The following CES5A variants were observed in gnomAD, a reference collection of about 807,000 sequenced individuals.
CES5A encodes carboxylesterase 5A.
CES5A carries 67 observed loss-of-function variants against 62.9 expected under a neutral mutation model. The observed-to-expected ratio is 1.07, with a 90% confidence interval of 0.88 to 1.31. The LOEUF (loss-of-function observed/expected upper bound fraction) is 1.31. Ranked by LOEUF, CES5A falls within the 50% of genes most tolerant of loss-of-function variation. CES5A has a pLI of 0.00. For missense variants in CES5A, 748 were observed against 708.5 expected (o/e 1.06, Z -0.63); for synonymous variants, 296 against 280.8 (o/e 1.05, Z -0.54).
intron 2 of CES5A, among the ~76,000 whole-genome samples, chr16:55,936,083 C>T (rs1187498790): frequency 3.3e-5 from 5 of 152,066 alleles, no homozygotes; most frequent in South Asian, 2.1e-4. Context: ...GACTTCAGTT[C>T]GGCATTCTCT....
At chr16:55,944,734 C>G (rs978973029) in intron 2 of CES5A, among the ~76,000 whole-genome samples, 1 of 152,232 alleles carries the variant, frequency 6.6e-6, no homozygotes, top group African/African-American at 2.4e-5. Flanking sequence ...CCCATCTTCC[C>G]TGGGTACAGC....
At chr16:55,879,545 C>T (rs1019390600), upstream of CES5A, among the ~76,000 whole-genome samples, 1 of 151,902 alleles carries the variant, frequency 6.6e-6, no homozygotes, top group African/African-American at 2.4e-5. Context: ...CATCACTGCA[C>T]CCCCATCACT....
At position 55,875,252 on chromosome 16, in the gene CES5A, G is replaced by C; in HGVS notation, c.-31C>G. 6.2e-7 allele frequency: 1 copy of C among 1,604,586 alleles called. No homozygotes were observed. Among genetic ancestry groups the C allele is most frequent in the Non-Finnish European group, 8.5e-7 (1 of 1,175,396 alleles). On this transcript the variant is annotated 5_prime_UTR_variant, in exon 1 of 13. Coordinates refer to ENST00000290567, the MANE Select transcript of CES5A (RefSeq NM_001143685.2). ...TGCCTGCCTGCACTCTGTGAACATT[G>C]ACGGCGGCTGCTGGCCTCAGAGAGC...
chr16:55,897,659 G>A (rs1231212879), intron 1 of CES5A, among the ~76,000 whole-genome samples: 2 of 152,178 alleles, frequency 1.3e-5, no homozygotes, highest in Non-Finnish European at 2.9e-5. Context: ...GGGAAACTAA[G>A]ATCCCACATG....
chr16:55,847,128 C>T (rs1233647839), intron 11 of CES5A, among the ~76,000 whole-genome samples: 1 of 152,154 alleles, frequency 6.6e-6, no homozygotes, highest in African/African-American at 2.4e-5. Flanking sequence ...GGGACACAGA[C>T]CAGCTTGCTC....
intron 2 of CES5A, among the ~76,000 whole-genome samples, chr16:55,930,792 C>T (rs1309254847): frequency 2.0e-5 from 3 of 152,268 alleles, no homozygotes; most frequent in Admixed American, 1.3e-4. Context: ...GAGATTGGGC[C>T]TGTATGTTTT....
chr16:55,865,202 A>C (rs1490426591), intron 5 of CES5A, among the ~76,000 whole-genome samples: 3 of 152,186 alleles, frequency 2.0e-5, no homozygotes, highest in Non-Finnish European at 2.9e-5. Flanking sequence ...GCGAAACTCC[A>C]TCTCAAAACA....
chr16:55,918,627 T>TG (rs1364351520), intron 1 of CES5A, among the ~76,000 whole-genome samples: 1 of 152,186 alleles, frequency 6.6e-6, no homozygotes, highest in Non-Finnish European at 1.5e-5. Flanking sequence ...CTATTTTCAA[T>TG]GGGGAAAAGA....
intron 2 of CES5A, 100 bp from the exon 3 acceptor site, chr16:55,871,863 C>G: frequency 7.8e-7 from 1 of 1,286,590 alleles, no homozygotes; most frequent in South Asian, 1.4e-5. Flanking sequence ...GCCGTCTCCT[C>G]TGCCTGAGCA....
At chr16:55,910,428 C>T (rs2034081825) in intron 1 of CES5A, among the ~76,000 whole-genome samples, 1 of 152,184 alleles carries the variant, frequency 6.6e-6, no homozygotes, top group Admixed American at 6.5e-5. Context: ...TTATGCTGGT[C>T]CACACTCATC....
At chr16:55,931,175 T>A (rs2034307755) in intron 2 of CES5A, among the ~76,000 whole-genome samples, 1 of 152,224 alleles carries the variant, frequency 6.6e-6, no homozygotes, top group African/African-American at 2.4e-5. Context: ...TCTTTCTTCA[T>A]CCCAGGAATT....
At chr16:55,899,522 T>G (rs2142440468) in intron 1 of CES5A, among the ~76,000 whole-genome samples, 1 of 152,316 alleles carries the variant, frequency 6.6e-6, no homozygotes, top group East Asian at 1.9e-4. Flanking sequence ...GTTTTCAAAC[T>G]GTCTCCTGCA....
intron 1 of CES5A, among the ~76,000 whole-genome samples, chr16:55,912,220 C>G (rs1424304380): frequency 1.3e-5 from 2 of 152,216 alleles, no homozygotes; most frequent in African/African-American, 4.8e-5. Context: ...TCGTCAGTGT[C>G]AGTTGCCTAG....
intron 1 of CES5A, among the ~76,000 whole-genome samples, chr16:55,908,836 T>C (rs1332439148): frequency 4.6e-5 from 7 of 152,218 alleles, no homozygotes; most frequent in Non-Finnish European, 1.0e-4. Flanking sequence ...CGTGGAGGCC[T>C]CTCTACTTTT....
intron 1 of CES5A, among the ~76,000 whole-genome samples, chr16:55,892,030 G>C (rs1354389179): frequency 6.6e-6 from 1 of 152,138 alleles, no homozygotes; most frequent in African/African-American, 2.4e-5. Flanking sequence ...ATCCTGAAGA[G>C]ATTAACTGAA....
Position 55,875,356 on chromosome 16 carries a change from G to C in CES5A, c.-135C>G. 1 of 1,467,910 alleles carries C rather than the reference G, an allele frequency of 6.8e-7. No homozygotes were observed. The highest frequency in any genetic ancestry group is 9.0e-7 in the Non-Finnish European group (1 of 1,113,666). The allele number at this position is 1,467,910 out of a possible 1,614,324, so 90.9% of individuals were successfully genotyped here. ...AGGCAGAGGCAGCAGAGTTACTGAA[G>C]ATCAGCATCAGAACAATATTCTCAA... is the stretch of plus-strand genomic sequence containing the variant. On this transcript the variant is annotated 5_prime_UTR_variant, in exon 1 of 13. The change creates a new upstream start codon in the 5' untranslated region. Coordinates refer to ENST00000290567, the MANE Select transcript of CES5A (RefSeq NM_001143685.2).
At chr16:55,847,787 G>C (rs191985762) in intron 11 of CES5A, among the ~76,000 whole-genome samples, 1 of 152,014 alleles carries the variant, frequency 6.6e-6, no homozygotes, top group African/African-American at 2.4e-5. Context: ...TCATATTTCC[G>C]ATCTTTTGCT....
At chr16:55,886,249 G>A (rs961054837) in intron 1 of CES5A, among the ~76,000 whole-genome samples, 1 of 152,168 alleles carries the variant, frequency 6.6e-6, no homozygotes, top group African/African-American at 2.4e-5. Flanking sequence ...AGTGAGCTGA[G>A]GTAAAGACAT....
At chr16:55,862,877 G>A (rs2033381251) in intron 6 of CES5A, among the ~76,000 whole-genome samples, 1 of 152,142 alleles carries the variant, frequency 6.6e-6, no homozygotes, top group African/African-American at 2.4e-5. Context: ...AGATAATTAA[G>A]ACAAGAGACA....
Sources: gnomAD v4.1 joint callset for allele counts (sites outside exome capture counted in the v4.1 genomes callset) on GRCh38, gnomAD v4.1.1 for gene constraint, MANE v1.5 for transcripts, NCBI Gene and HGNC (gene_info 2026-07-23, HGNC 2026-07-21) for gene names.